Variants in NAALAD2 observed in about 807,000 individuals in gnomAD.
NAALAD2 encodes N-acetylated-alpha-linked acidic dipeptidase 2.
A neutral mutation model predicts 95.6 loss-of-function variants in NAALAD2; 89 were observed. The observed-to-expected ratio is 0.93, with a 90% CI of 0.78 to 1.11. The LOEUF is 1.11. Among genes scored for constraint, NAALAD2 ranks in the 50% least tolerant of loss-of-function variants. The pLI, the probability that NAALAD2 is intolerant of heterozygous loss-of-function variation, is 0.00. For synonymous variants in NAALAD2, 264 were observed against 294.4 expected (o/e 0.90, Z 1.06); for missense variants, 894 against 872.4 (o/e 1.02, Z -0.31).
At chr11:90,189,483 T>C (rs1857259005) in intron 18 of NAALAD2, among the ~76,000 whole-genome samples, 1 of 152,158 alleles carries the variant, frequency 6.6e-6, no homozygotes, top group African/African-American at 2.4e-5. Flanking sequence ...CTAGAAACAT[T>C]TGTGGCCGGG....
chr11:90,162,913 G>A, intron 8 of NAALAD2, 36 bp from the exon 9 acceptor site: 2 of 1,108,866 alleles, frequency 1.8e-6, no homozygotes, highest in Non-Finnish European at 2.6e-6. Context: ...AACATAATTT[G>A]CTGTACTAAG....
intron 13 of NAALAD2, among the ~76,000 whole-genome samples, chr11:90,172,514 A>G (rs1427186803): frequency 6.6e-6 from 1 of 152,182 alleles, no homozygotes; most frequent in African/African-American, 2.4e-5. Context: ...TCATGTGCCA[A>G]TACCCAACAT....
chr11:90,186,912 T>G (rs1857162200), intron 18 of NAALAD2, among the ~76,000 whole-genome samples: 1 of 133,062 alleles, frequency 7.5e-6, no homozygotes, highest in African/African-American at 2.7e-5. Flanking sequence ...GGAGAAAATT[T>G]TCGCAACCTA....
rs117919300 is a variant in NAALAD2 at position 90,175,334 on chromosome 11, A to G, written c.1503-638A>G. 2.0e-5 allele frequency among the ~76,000 whole-genome samples: 3 copies of G among 152,344 alleles called. No homozygotes were observed. In the East Asian group the frequency reaches 5.8e-4, roughly 29 times the overall value. ...TATCTACTAACCTAATAGTTTGGAA[A>G]TAAACAGTTATGTTATTAATGAACA... is the stretch of plus-strand genomic sequence containing the variant. On this transcript the variant is annotated intron_variant, in intron 14 of 18. Transcript: ENST00000534061.
At position 90,182,963 on chromosome 11, in the gene NAALAD2, G is replaced by A. The variant is rs763226675; in HGVS notation, c.1988G>A (p.Arg663Lys). 2.5e-5 allele frequency: 41 copies of A among 1,612,630 alleles called. No homozygotes were observed. The East Asian group carries it at 6.9e-4, about 27-fold the overall frequency. The change falls in exon 18 of 19, where the codon AGA becomes AAA. Residue 663 changes from arginine (R) to lysine (K), a missense_variant. Arg to Lys is a conservative substitution (Grantham distance 26). Transcript: ENST00000534061. ...MMNDQLMLLE[R>K]AFIDPLGLPG... ...AATGACCAACTGATGCTCCTGGAAA[G>A]AGCATTCATCGATCCTCTTGGTTTA...
intron 8 of NAALAD2, among the ~76,000 whole-genome samples, chr11:90,160,569 TTATCTC>T (rs1207249983): frequency 1.1e-4 from 17 of 152,210 alleles, no homozygotes; most frequent in Admixed American, 9.2e-4. Context: ...TTATATGTGT[TTATCTC>T]TATCATTAAA....
chr11:90,163,145 C>T (rs1590993567), intron 9 of NAALAD2, 111 bp downstream of exon 9: 1 of 1,206,304 alleles, frequency 8.3e-7, no homozygotes, highest in East Asian at 2.4e-5. Flanking sequence ...TTTGAAACTA[C>T]TAAATTTTGA....
Position 90,168,992 on chromosome 11 carries a change from G to T in NAALAD2, c.1342G>T (p.Gly448Cys). 2 of 1,584,552 alleles carry T rather than the reference G, an allele frequency of 1.3e-6. No individual in the cohort carries two copies. The highest frequency in any genetic ancestry group is 1.7e-6 in the Non-Finnish European group (2 of 1,169,216). The change falls in exon 12 of 19, where the codon GGC becomes TGC. Residue 448 changes from glycine (G) to cysteine (C), a missense_variant and splice_region_variant. Gly to Cys is a radical substitution (Grantham distance 159). Transcript: ENST00000534061. The part of the protein sequence containing the change: ...AYINSDSSIE[G>C]NYTLRVDCTP... ...TATCAACTCGGATTCATCTATAGAA[G>T]GTAAATTTTATTTCAATTTGAAGTG...
In NAALAD2 at chr11:90,152,427, A is replaced by C; in HGVS notation, c.739A>C (p.Asn247His). ...TCCTGGAACTGCAGCCCAGAGAGGA[A>C]ATGTGTTAAATTTGAATGGTGCTGG... ...NLPGTAAQRG[N>H]VLNLNGAGDP... is the part of the protein sequence containing the mutation. Residue 247 changes from asparagine (N) to histidine (H), a missense_variant, in exon 6 of 19, where the codon AAT becomes CAT. Coordinates refer to ENST00000534061, the MANE Select transcript of NAALAD2 (RefSeq NM_005467.4). The C allele has an allele frequency of 6.2e-7, 1 of 1,613,846 alleles. No homozygotes were observed. The highest frequency in any genetic ancestry group is 8.5e-7 in the Non-Finnish European group (1 of 1,179,826).
chr11:90,135,088 C>T (rs1241639625), intron 1 of NAALAD2: 5 of 492,464 alleles, frequency 1.0e-5, no homozygotes. Context: ...TAAAGACAAC[C>T]TACAGCTGTC....
intron 11 of NAALAD2, among the ~76,000 whole-genome samples, chr11:90,164,960 T>C (rs1194678604): frequency 1.3e-5 from 2 of 152,172 alleles, no homozygotes; most frequent in African/African-American, 4.8e-5. Flanking sequence ...TTCCTGACCC[T>C]TTCCCTTCTC....
At chr11:90,178,923 G>A (rs369511020) in intron 16 of NAALAD2, among the ~76,000 whole-genome samples, 55 of 152,262 alleles carry the variant, frequency 3.6e-4, no homozygotes, top group African/African-American at 1.2e-3. Context: ...TATACAGCAA[G>A]GATGACTCAT....
At chr11:90,188,611 C>CT (rs1186599408) in intron 18 of NAALAD2, among the ~76,000 whole-genome samples, 1 of 152,166 alleles carries the variant, frequency 6.6e-6, no homozygotes, top group South Asian at 2.1e-4. Flanking sequence ...TCTTCATTCT[C>CT]TTTTATAAGG....
At chr11:90,137,502 C>G (rs758170233) in intron 2 of NAALAD2, among the ~76,000 whole-genome samples, 1 of 152,050 alleles carries the variant, frequency 6.6e-6, no homozygotes, top group South Asian at 2.1e-4. Context: ...AGTAGGTAGC[C>G]ATAAAATTTA....
chr11:90,141,825 G>A (rs983989063), intron 2 of NAALAD2, among the ~76,000 whole-genome samples: 3 of 152,092 alleles, frequency 2.0e-5, no homozygotes, highest in Non-Finnish European at 4.4e-5. Flanking sequence ...TTTCTATGTA[G>A]ACAATAATGT....
chr11:90,173,415 C>T (rs1424739484), intron 13 of NAALAD2, among the ~76,000 whole-genome samples: 1 of 152,130 alleles, frequency 6.6e-6, no homozygotes, highest in Non-Finnish European at 1.5e-5. Flanking sequence ...CTTTATAGGT[C>T]TTATTAGGCA....
chr11:90,169,821 A>C (rs925344007), intron 12 of NAALAD2: 2 of 451,174 alleles, frequency 4.4e-6, no homozygotes, highest in Non-Finnish European at 4.0e-6. Context: ...AATGACCCTT[A>C]TAATCACTGT....
chr11:90,135,788 G>T, intron 2 of NAALAD2, 118 bp downstream of exon 2: 12 of 663,498 alleles, frequency 1.8e-5, no homozygotes, highest in East Asian at 3.2e-5. Flanking sequence ...TTACATATTA[G>T]TCATCAACTT....
Position 90,152,052 on chromosome 11 carries a change from T to C in NAALAD2, c.610-246T>C, listed in dbSNP as rs889559971. On this transcript the variant is annotated intron_variant, in intron 5 of 18. Transcript: ENST00000534061. ...CAAAGAAGGGACATGAATTCTACAG[T>C]TGCAGGTTGTAATAGGAATGTTTCA... 2.5e-4 allele frequency among the ~76,000 whole-genome samples: 38 copies of C among 152,266 alleles called. 1 individual carries two copies. In the East Asian group the frequency reaches 6.2e-3, roughly 25 times the overall value.
Sources: allele counts gnomAD v4.1 joint callset (sites outside exome capture counted in the v4.1 genomes callset), GRCh38; gene constraint gnomAD v4.1.1; transcripts MANE v1.5; gene names NCBI Gene and HGNC (gene_info 2026-07-23, HGNC 2026-07-21).